SCARF2: variants seen among roughly 807,000 people sequenced by gnomAD.
SCARF2 encodes scavenger receptor expressed by endothelial cells 2 protein.
A neutral mutation model predicts 73.4 loss-of-function variants in SCARF2; 39 were observed. The observed-to-expected ratio is 0.53, with a 90% confidence interval of 0.41 to 0.69. The LOEUF (loss-of-function observed/expected upper bound fraction) is 0.69. SCARF2 is among the 30% of genes least tolerant of loss of function. The pLI is 0.00. For missense variants in SCARF2, 1,148 were observed against 1,303.5 expected, an observed-to-expected ratio of 0.88 and a Z score of 1.84; for synonymous variants, 605 against 590.0, an observed-to-expected ratio of 1.03 and a Z score of -0.37.
At chr22:20,428,474 T>C (rs2052605353) in intron 9 of SCARF2, among the ~76,000 whole-genome samples, 1 of 152,090 alleles carries the variant, frequency 6.6e-6, no homozygotes, top group African/African-American at 2.4e-5. Flanking sequence ...CCGGCTACTT[T>C]CGTATTTTTA....
Position 20,429,906 on chromosome 22 carries a change from C to T in SCARF2, c.1203-73G>A. 2 of 1,457,992 alleles carry T rather than the reference C, an allele frequency of 1.4e-6. No individual in the cohort carries two copies. The highest frequency in any genetic ancestry group is 1.9e-6 in the Non-Finnish European group (2 of 1,067,316). The allele number at this position is 1,457,992 out of a possible 1,614,324, so 90.3% of individuals were successfully genotyped here. A position where few individuals can be genotyped will look rare whatever the true frequency, so the allele number is the denominator to read the frequency against. ...GCCCCCTACCCTCACCCCTCACCCG[C>T]GGCCAGGGCCCAGGGTCCAGGGTCC... On this transcript the variant is annotated intron_variant, in intron 6 of 10. Coordinates refer to ENST00000622235, the MANE Select transcript of SCARF2 (RefSeq NM_182895.5). This position sits in a 1 kb window ranked among gnomAD's most constrained non-coding sequence, Gnocchi z 5.2.
intron 1 of SCARF2, among the ~76,000 whole-genome samples, chr22:20,432,456 G>A (rs1462240513): frequency 6.6e-6 from 1 of 152,148 alleles, no homozygotes; most frequent in Admixed American, 6.5e-5. Context: ...TGGGCCACAG[G>A]GACACACCTA....
rs558141510 is a variant in SCARF2, at chr22:20,428,862, C to T, written c.1540+363G>A. ...GTCCTCTCCGTGGGGCAGGGCACTC[C>T]CGTGGCCACGCATTCCCCCAGCAGC... is the stretch of plus-strand genomic sequence containing the variant. On this transcript the variant is annotated intron_variant, in intron 9 of 10. Coordinates refer to ENST00000622235, the MANE Select transcript of SCARF2 (RefSeq NM_182895.5). Among the ~76,000 whole-genome samples the T allele has an allele frequency of 3.9e-5, 6 of 152,198 alleles. No individual in the cohort carries two copies. The East Asian group carries it at 1.2e-3, about 29-fold the overall frequency.
In SCARF2 at chr22:20,425,905, C is replaced by T. The variant is rs1190158174; in HGVS notation, c.2071G>A (p.Ala691Thr). 6.9e-6 allele frequency: 11 copies of T among 1,598,172 alleles called. No homozygotes were observed. Among genetic ancestry groups the T allele is most frequent in the Non-Finnish European group, 7.7e-6 (9 of 1,175,394 alleles). The change falls in exon 11 of 11, where the codon GCG becomes ACG. Residue 691 changes from alanine to threonine, a missense_variant. Transcript: ENST00000622235. This position sits in a 1 kb window ranked among gnomAD's most constrained non-coding sequence, Gnocchi z 4.6. ...CGTTTCCTCTTGCTGGGGCTGGGCG[C>T]GGCCTCGGAGCCTGGCGGCGGTGGT... ...PSPPPPGSEAAPSPSKRKRTP... is the reference protein window; with the variant it reads ...PSPPPPGSEATPSPSKRKRTP...
In SCARF2 at chr22:20,426,543, G is replaced by A. The variant is rs1045862480; in HGVS notation, c.1694-261C>T. On this transcript the variant is annotated intron_variant, in intron 10 of 10. Transcript: ENST00000622235. ...CTGAAGCCCAACCTTGGCCTGGCCT[G>A]GCAGCCCTGCCCCAACACCCCTCCA... 2.6e-4 allele frequency among the ~76,000 whole-genome samples: 40 copies of A among 152,236 alleles called. 1 individual carries two copies. The highest frequency in any genetic ancestry group is 1.5e-4 in the Non-Finnish European group (10 of 68,036).
In SCARF2 at chr22:20,425,317, G is replaced by C. The variant is rs900233721; in HGVS notation, c.*58C>G. On this transcript the variant is annotated 3_prime_UTR_variant, in exon 11 of 11. Coordinates refer to ENST00000622235, the MANE Select transcript of SCARF2 (RefSeq NM_182895.5). This position sits in a 1 kb window ranked among gnomAD's most constrained non-coding sequence, Gnocchi z 4.6. ...CCGTGCCCGGTAGCGTGGGAGGTGT[G>C]GGGTGGCGGGCGGCGCTGCGAAGCT... 1.5e-5 allele frequency: 19 copies of C among 1,292,032 alleles called. No homozygotes were observed. The Admixed American group carries it at 2.5e-4, about 17-fold the overall frequency. The allele number at this position is 1,292,032 out of a possible 1,614,324, so 80.0% of individuals were successfully genotyped here. A position where few individuals can be genotyped will look rare whatever the true frequency, so the allele number is the denominator to read the frequency against.
chr22:20,425,702 A>G lies in SCARF2; in HGVS notation c.2274T>C (p.Gly758=), dbSNP rs1404382450. Reference sequence around the variant, plus strand: ...CAGCCTCGGGCGCGCTTCGCGGGGGACCGCCGGCGTCCGTGGGCTCCAAGA... The same window carrying G: ...CAGCCTCGGGCGCGCTTCGCGGGGGGCCGCCGGCGTCCGTGGGCTCCAAGA... ...PGLLEPTDAG[G]PPRSAPEAAS... Residue 758 remains glycine, a synonymous_variant, in exon 11 of 11, where the codon GGT becomes GGC. Coordinates refer to ENST00000622235, the MANE Select transcript of SCARF2 (RefSeq NM_182895.5). This position sits in a 1 kb window ranked among gnomAD's most constrained non-coding sequence, Gnocchi z 4.6. The G allele has an allele frequency of 1.6e-6, 2 of 1,228,376 alleles. No homozygotes were observed. Among genetic ancestry groups the G allele is most frequent in the South Asian group, 3.9e-5 (1 of 25,478 alleles). 76.1% of individuals were successfully genotyped at this position (1,228,376 alleles called of 1,614,324 possible).
At position 20,429,850 on chromosome 22, in the gene SCARF2, T is replaced by C; in HGVS notation, c.1203-17A>G. 4 of 1,610,838 alleles carry C rather than the reference T, an allele frequency of 2.5e-6. No individual in the cohort carries two copies. Among genetic ancestry groups the C allele is most frequent in the Non-Finnish European group, 3.4e-6 (4 of 1,179,138 alleles). On this transcript the variant is annotated splice_polypyrimidine_tract_variant and intron_variant, in intron 6 of 10. Transcript: ENST00000622235. The surrounding 1 kb of genome is among the most constrained non-coding windows in gnomAD (Gnocchi z 5.2). ...ACGTTACAGCTGCCGGGACATAGGG[T>C]CAAGGCATGCCACAGCCGCCCCCCT...
chr22:20,425,491 TCGC>T lies in SCARF2; in HGVS notation c.2482_2484del (p.Ala828del). 2 of 1,364,466 alleles carry T rather than the reference TCGC, an allele frequency of 1.5e-6. No homozygotes were observed. Among genetic ancestry groups the T allele is most frequent in the Non-Finnish European group, 1.9e-6 (2 of 1,058,664 alleles). 84.5% of individuals were successfully genotyped at this position (1,364,466 alleles called of 1,614,324 possible). On this transcript the variant is annotated inframe_deletion, in exon 11 of 11. Transcript: ENST00000622235. This position sits in a 1 kb window ranked among gnomAD's most constrained non-coding sequence, Gnocchi z 4.6. ...GGGGTCTCAGGCGCGGGCAAGTCGG[TCGC>T]CGCCTTCTCAGGCCCCGGGGTTTCG... is the stretch of plus-strand genomic sequence containing the variant.
chr22:20,437,799 C>T lies in SCARF2; in HGVS notation c.-45G>A. ...GGGCGGGCACGGGCGCGGGTGCGGC[C>T]GCAGCGAGAGCGGCCGGAAGCGGAG... On this transcript the variant is annotated 5_prime_UTR_variant, in exon 1 of 11. Coordinates refer to ENST00000622235, the MANE Select transcript of SCARF2 (RefSeq NM_182895.5). 1 of 832,824 alleles carries T rather than the reference C, an allele frequency of 1.2e-6. No homozygotes were observed. The highest frequency in any genetic ancestry group is 5.2e-5 in the South Asian group (1 of 19,134). The allele number at this position is 832,824 out of a possible 1,614,324, so 51.6% of individuals were successfully genotyped here. A position where few individuals can be genotyped will look rare whatever the true frequency, so the allele number is the denominator to read the frequency against.
chr22:20,430,644 G>C, intron 5 of SCARF2, 46 bp downstream of exon 5: 1 of 1,601,430 alleles, frequency 6.2e-7, no homozygotes, highest in Non-Finnish European at 8.5e-7. Flanking sequence ...TAGGGAGGCA[G>C]GGCGGGGGAC....
At position 20,429,385 on chromosome 22, in the gene SCARF2, C is replaced by T. The variant is rs945737745; in HGVS notation, c.1425-45G>A. 1.9e-6 allele frequency: 3 copies of T among 1,563,056 alleles called. No individual in the cohort carries two copies. The highest frequency in any genetic ancestry group is 1.9e-5 in the Admixed American group (1 of 53,966). On this transcript the variant is annotated intron_variant, in intron 8 of 10. Transcript: ENST00000622235. The surrounding 1 kb of genome is among the most constrained non-coding windows in gnomAD (Gnocchi z 5.2). ...GCGGAGGGGCGGGGCCGGGGCGGGG[C>T]CCAGGGGCGATTAGATCTCGGCCGG...
Position 20,425,281 on chromosome 22 carries a change from T to C in SCARF2, c.*94A>G. 1 of 1,116,232 alleles carries C rather than the reference T, an allele frequency of 9.0e-7. No individual in the cohort carries two copies. The highest frequency in any genetic ancestry group is 1.2e-6 in the Non-Finnish European group (1 of 860,006). 69.1% of individuals were successfully genotyped at this position (1,116,232 alleles called of 1,614,324 possible). On this transcript the variant is annotated 3_prime_UTR_variant, in exon 11 of 11. Transcript: ENST00000622235. The surrounding 1 kb of genome is among the most constrained non-coding windows in gnomAD (Gnocchi z 4.6). ...CGCTAGCCGCGCGGTGCCCGGCCAA[T>C]AGGAGGCCGCCCGTGCCCGGTAGCG... is the stretch of plus-strand genomic sequence containing the variant.
In SCARF2 at chr22:20,437,608, G is replaced by T. The variant is rs754188065; in HGVS notation, c.147C>A (p.Arg49=). The T allele has an allele frequency of 4.5e-6, 7 of 1,572,382 alleles. No homozygotes were observed. Among genetic ancestry groups the T allele is most frequent in the Non-Finnish European group, 1.7e-6 (2 of 1,166,570 alleles). ...CGGGAGCACGGCACACGTTGCGGCC[G>T]CGAGGGTTCAGTTCCTGAGGCGCCA... ...DTVAPQELNP[R]GRNVCRAPGS... Residue 49 remains arginine (R), a synonymous_variant, in exon 1 of 11, where the codon CGC becomes CGA. Transcript: ENST00000622235.
At chr22:20,431,876 G>A (rs750795182) in intron 2 of SCARF2, 30 bp from the exon 3 acceptor site, 1 of 1,596,334 alleles carries the variant, frequency 6.3e-7, no homozygotes, top group South Asian at 1.1e-5. Context: ...GAGCTGCTGC[G>A]CGTCCTAGCC....
At chr22:20,426,995 C>T (rs1343690380) in intron 10 of SCARF2, among the ~76,000 whole-genome samples, 2 of 151,990 alleles carry the variant, frequency 1.3e-5, no homozygotes, top group South Asian at 2.1e-4. Flanking sequence ...CATCTGGGGG[C>T]ACAGTCAAGG....
rs1184696048 is a variant in SCARF2 at position 20,429,192 on chromosome 22, T to C, written c.1540+33A>G. 2 of 1,613,786 alleles carry C rather than the reference T, an allele frequency of 1.2e-6. No individual in the cohort carries two copies. Among genetic ancestry groups the C allele is most frequent in the South Asian group, 1.1e-5 (1 of 91,046 alleles). On this transcript the variant is annotated intron_variant, in intron 9 of 10. Transcript: ENST00000622235. The surrounding 1 kb of genome is among the most constrained non-coding windows in gnomAD (Gnocchi z 5.2). ...CAGCAGCTTCCTGCGTCGAGAGGTGTTTCTCCCAGATACCCCGCGCTGTCA... is the reference window on the plus strand; with the variant it reads ...CAGCAGCTTCCTGCGTCGAGAGGTGCTTCTCCCAGATACCCCGCGCTGTCA...
Position 20,430,526 on chromosome 22 carries a change from C to T in SCARF2, c.1105G>A (p.Gly369Ser). ...GCGCACACGAAGGCGCAGTCCTCGC[C>T]GTAAGTGCCATTGCTACACTTGGTC... ...CETKCSNGTY[G>S]EDCAFVCADC... The change falls in exon 6 of 11, where the codon GGC becomes AGC. Residue 369 changes from glycine (G) to serine (S), a missense_variant. Physicochemically the swap from Gly to Ser is moderately conservative, Grantham distance 56. Around this residue, in one of 5 missense-constraint regions of SCARF2, gnomAD observed 372 missense variants for 532.0 expected, o/e 0.70. Transcript: ENST00000622235. 1.2e-6 allele frequency: 2 copies of T among 1,609,104 alleles called. No homozygotes were observed. The highest frequency in any genetic ancestry group is 1.7e-6 in the Non-Finnish European group (2 of 1,178,198).
At chr22:20,430,407 C>A in intron 6 of SCARF2, 22 bp downstream of exon 6, 1 of 1,581,728 alleles carries the variant, frequency 6.3e-7, no homozygotes, top group East Asian at 2.3e-5. Flanking sequence ...CCCCAACCCC[C>A]TCCCGGTCCC....
Sources: allele counts gnomAD v4.1 joint callset (sites outside exome capture counted in the v4.1 genomes callset), GRCh38; gene constraint gnomAD v4.1.1; regional missense constraint gnomAD v4.1.1; non-coding constraint Gnocchi (gnomAD v3.1); transcripts MANE v1.5; gene names NCBI Gene and HGNC (gene_info 2026-07-23, HGNC 2026-07-21).